KDM4C: variants seen among roughly 807,000 people sequenced by gnomAD.
KDM4C encodes lysine demethylase 4C.
KDM4C carries 81 observed loss-of-function variants against 129.3 expected under a neutral mutation model. That is an observed-to-expected ratio of 0.63 (90% confidence interval 0.52 to 0.75). The LOEUF (loss-of-function observed/expected upper bound fraction) is 0.75. Among genes scored for constraint, KDM4C ranks in the 30% least tolerant of loss-of-function variants. The probability of loss-of-function intolerance (pLI) is 0.00; values close to 1 mark genes in which losing one functional copy is unlikely to be tolerated. For missense variants in KDM4C, 1,457 were observed against 1,304.0 expected, an observed-to-expected ratio of 1.12 and a Z score of -1.81; for synonymous variants, 573 against 456.1, an observed-to-expected ratio of 1.26 and a Z score of -3.26.
At chr9:6,875,410 GATTTGAAAGAGGAGT>G (rs1478933089) in intron 5 of KDM4C, among the ~76,000 whole-genome samples, 1 of 152,150 alleles carries the variant, frequency 6.6e-6, no homozygotes, top group Non-Finnish European at 1.5e-5. Flanking sequence ...CTTGAGCTGA[GATTTGAAAGAGGAGT>G]GGGTGTTTTG....
chr9:6,814,597 T>C (rs755038982), intron 3 of KDM4C, 34 bp from the exon 4 acceptor site: 11 of 1,339,520 alleles, frequency 8.2e-6, no homozygotes, highest in Middle Eastern at 3.7e-4. Context: ...ACTGACTTAC[T>C]GGTTTGTACA....
rs1836161162 is a variant in KDM4C, at chr9:7,094,351, T to G, written c.2425-9334T>G. Among the ~76,000 whole-genome samples, 5 of 152,060 alleles carry G rather than the reference T, an allele frequency of 3.3e-5. No homozygotes were observed. In the South Asian group the frequency reaches 1.0e-3, roughly 31 times the overall value. On this transcript the variant is annotated intron_variant, in intron 17 of 21. Coordinates refer to ENST00000381309, the MANE Select transcript of KDM4C (RefSeq NM_015061.6). ...AGGAATTTCTTTTTTTTTATTTTATTTTATTATTATTATACTTTAAGTTTT... is the reference window on the plus strand; with the variant it reads ...AGGAATTTCTTTTTTTTTATTTTATGTTATTATTATTATACTTTAAGTTTT...
At chr9:6,975,858 C>G (rs1320771148) in intron 8 of KDM4C, among the ~76,000 whole-genome samples, 1 of 152,104 alleles carries the variant, frequency 6.6e-6, no homozygotes, top group Non-Finnish European at 1.5e-5. Context: ...GCTAACATAG[C>G]AAAACCCCGT....
chr9:6,893,475 G>C (rs1008056782), intron 8 of KDM4C: 5 of 308,460 alleles, frequency 1.6e-5, no homozygotes, highest in South Asian at 7.9e-5. Flanking sequence ...AATTTGATGC[G>C]ACGTGTGTTT....
intron 4 of KDM4C, among the ~76,000 whole-genome samples, chr9:6,842,930 T>C (rs1302295252): frequency 1.3e-5 from 2 of 152,124 alleles, no homozygotes; most frequent in Non-Finnish European, 2.9e-5. Context: ...ACTCTTTGTT[T>C]TTTGTTTTCT....
intron 18 of KDM4C, among the ~76,000 whole-genome samples, chr9:7,121,287 C>G (rs562944353): frequency 6.6e-5 from 10 of 152,188 alleles, no homozygotes; most frequent in Admixed American, 5.9e-4. Flanking sequence ...TGGCTGGGTT[C>G]TCTCACAGGT....
intron 5 of KDM4C, 142 bp from the exon 6 acceptor site, chr9:6,879,870 G>C (rs898712289): frequency 2.3e-6 from 1 of 439,112 alleles, no homozygotes; most frequent in African/African-American, 2.0e-5. Flanking sequence ...TCTGTGATTG[G>C]CTTTCTAATC....
At chr9:6,790,996 C>T (rs865897651) in intron 1 of KDM4C, among the ~76,000 whole-genome samples, 9 of 152,186 alleles carry the variant, frequency 5.9e-5, no homozygotes, top group African/African-American at 2.2e-4. Flanking sequence ...TCCGTTCCAG[C>T]GGTACTTCCA....
At chr9:6,821,421 T>C (rs1833011472) in intron 4 of KDM4C, among the ~76,000 whole-genome samples, 1 of 152,198 alleles carries the variant, frequency 6.6e-6, no homozygotes. Context: ...TTCTAACTGG[T>C]GTGAGATGGT....
intron 15 of KDM4C, among the ~76,000 whole-genome samples, chr9:7,031,264 G>C (rs764954057): frequency 4.6e-5 from 7 of 152,054 alleles, no homozygotes; most frequent in African/African-American, 1.2e-4. Context: ...CTGGGTTCAA[G>C]TGGTTCTCTT....
At chr9:6,823,582 G>A (rs1833388647) in intron 4 of KDM4C, among the ~76,000 whole-genome samples, 2 of 152,180 alleles carry the variant, frequency 1.3e-5, no homozygotes, top group Admixed American at 6.5e-5. Flanking sequence ...TTGAAACTTA[G>A]CTCCTTCACT....
intron 14 of KDM4C, among the ~76,000 whole-genome samples, chr9:7,014,539 A>G (rs1823298494): frequency 6.6e-6 from 1 of 152,094 alleles, no homozygotes; most frequent in Non-Finnish European, 1.5e-5. Flanking sequence ...TCAATTTATT[A>G]TTTTTAACAA....
At chr9:6,847,591 C>T (rs779856303) in intron 4 of KDM4C, among the ~76,000 whole-genome samples, 8 of 152,086 alleles carry the variant, frequency 5.3e-5, no homozygotes, top group East Asian at 1.9e-4. Flanking sequence ...AGGGTTTCAC[C>T]GTGTTAGCCA....
At chr9:6,940,043 TTCCCTCCTTCCCTCCTTCCC>T (rs1825647706) in intron 8 of KDM4C, among the ~76,000 whole-genome samples, 1 of 129,328 alleles carries the variant, frequency 7.7e-6, no homozygotes, top group African/African-American at 2.9e-5. Flanking sequence ...CTTTCCTTCC[TTCCCTCCTTCCCTCCTTCCC>T]TCCTTCTCTC....
intron 17 of KDM4C, among the ~76,000 whole-genome samples, chr9:7,061,315 A>C (rs575806179): frequency 2.6e-5 from 4 of 152,288 alleles, no homozygotes; most frequent in Non-Finnish European, 5.9e-5. Flanking sequence ...GATGCATATC[A>C]ATTTCATGTC....
chr9:6,835,200 C>G (rs942972389), intron 4 of KDM4C: 3 of 917,698 alleles, frequency 3.3e-6, no homozygotes, highest in Non-Finnish European at 5.5e-6. Context: ...TCATCACCAT[C>G]GGCAACGAGC....
At chr9:6,820,860 T>G (rs1832910407) in intron 4 of KDM4C, among the ~76,000 whole-genome samples, 1 of 151,846 alleles carries the variant, frequency 6.6e-6, no homozygotes, top group Non-Finnish European at 1.5e-5. Context: ...CCTAATGCTA[T>G]CCCTCCCCCA....
chr9:7,139,150 C>G (rs1471963963), intron 19 of KDM4C, among the ~76,000 whole-genome samples: 2 of 152,112 alleles, frequency 1.3e-5, no homozygotes, highest in African/African-American at 4.8e-5. Context: ...TGGTATGCAT[C>G]TTTAGTCCCA....
intron 13 of KDM4C, among the ~76,000 whole-genome samples, chr9:7,013,580 A>G (rs530481781): frequency 6.6e-6 from 1 of 152,300 alleles, no homozygotes; most frequent in East Asian, 1.9e-4. Flanking sequence ...CATATAGAAT[A>G]TTGTCCTTTT....
Sources: allele counts gnomAD v4.1 joint callset (sites outside exome capture counted in the v4.1 genomes callset), GRCh38; gene constraint gnomAD v4.1.1; transcripts MANE v1.5; gene names NCBI Gene and HGNC (gene_info 2026-07-23, HGNC 2026-07-21).